The following CXCL1 variants were observed in gnomAD, a reference collection of about 807,000 sequenced individuals.
CXCL1 encodes C-X-C motif chemokine ligand 1.
CXCL1 carries 9 observed loss-of-function variants against 11.7 expected under a neutral mutation model. The observed-to-expected ratio is 0.77, with a 90% CI of 0.46 to 1.34. The LOEUF (loss-of-function observed/expected upper bound fraction) is 1.34. CXCL1 is among the 40% of genes most tolerant of loss of function. The pLI is 0.00. For synonymous variants in CXCL1, 78 were observed against 59.1 expected (o/e 1.32, Z -1.47); for missense variants, 146 against 138.1 (o/e 1.06, Z -0.29).
At chr4:73,869,623 C>G in intron 1 of CXCL1, 46 bp from the exon 2 acceptor site, 1 of 1,613,712 alleles carries the variant, frequency 6.2e-7, no homozygotes, top group Non-Finnish European at 8.5e-7. Context: ...GGGTAGGCAC[C>G]CAGCGCCGAC....
In CXCL1 at chr4:73,871,116, A is replaced by G. The variant is rs1731943639; in HGVS notation, c.*580A>G. On this transcript the variant is annotated 3_prime_UTR_variant, in exon 4 of 4. Transcript: ENST00000395761. ...GTTCTAAATATCCCTTGGACATTTT[A>G]TGTCTTTCTTGTAAGGCATACTGCC... The G allele has an allele frequency of 6.6e-6, 1 of 152,660 alleles. No homozygotes were observed. The highest frequency in any genetic ancestry group is 1.5e-5 in the Non-Finnish European group (1 of 68,338). The allele number at this position is 152,660 out of a possible 1,614,324, so 9.5% of individuals were successfully genotyped here. A position where few individuals can be genotyped will look rare whatever the true frequency, so the allele number is the denominator to read the frequency against.
At position 73,869,403 on chromosome 4, in the gene CXCL1, GGCC is replaced by G. The variant is rs1318883341; in HGVS notation, c.-65_-63del. 2 of 1,511,418 alleles carry G rather than the reference GGCC, an allele frequency of 1.3e-6. No individual in the cohort carries two copies. The highest frequency in any genetic ancestry group is 2.8e-5 in the African/African-American group (2 of 72,552). The allele number at this position is 1,511,418 out of a possible 1,614,324, so 93.6% of individuals were successfully genotyped here. Reference sequence around the variant, plus strand: ...GGATCTCGGAGAGCCACAGAGCCCGGGCCGCAGGCACCTCCTCGCCAGCTCTTC... The same window carrying G: ...GGATCTCGGAGAGCCACAGAGCCCGGGCAGGCACCTCCTCGCCAGCTCTTC... On this transcript the variant is annotated 5_prime_UTR_variant, in exon 1 of 4. Coordinates refer to ENST00000395761, the MANE Select transcript of CXCL1 (RefSeq NM_001511.4).
At chr4:73,870,349 T>C (rs1455125822) in intron 3 of CXCL1, among the ~76,000 whole-genome samples, 172 bp from the exon 4 acceptor site, 1 of 149,348 alleles carries the variant, frequency 6.7e-6, no homozygotes, top group Non-Finnish European at 1.5e-5. Flanking sequence ...CATCCCAAGC[T>C]TAGAGGTCCC....
At position 73,870,583 on chromosome 4, in the gene CXCL1, C is replaced by G; in HGVS notation, c.*47C>G. ...ACTGGTGGCTGTTCCTGAAGGAGGC[C>G]CTGCCCTTATAGGAACAGAAGAGGA... is the stretch of plus-strand genomic sequence containing the variant. On this transcript the variant is annotated 3_prime_UTR_variant, in exon 4 of 4. Coordinates refer to ENST00000395761, the MANE Select transcript of CXCL1 (RefSeq NM_001511.4). 1.9e-6 allele frequency: 3 copies of G among 1,611,950 alleles called. No homozygotes were observed. The South Asian group carries it at 3.3e-5, about 18-fold the overall frequency.
rs1323789841 is a variant in CXCL1 at position 73,869,480 on chromosome 4, G to A, written c.10G>A (p.Ala4Thr). The change falls in exon 1 of 4, where the codon GCT (alanine) becomes ACT (threonine). Residue 4 changes from alanine to threonine, a missense_variant. Physicochemically the swap from Ala to Thr is moderately conservative, Grantham distance 58. Coordinates refer to ENST00000395761, the MANE Select transcript of CXCL1 (RefSeq NM_001511.4). ...CCGCCTGCTGAGCCCCATGGCCCGC[G>A]CTGCTCTCTCCGCCGCCCCCAGCAA... MAR[A>T]ALSAAPSNPR... The A allele has an allele frequency of 2.6e-6, 4 of 1,566,980 alleles. No individual in the cohort carries two copies. The highest frequency in any genetic ancestry group is 2.4e-5 in the East Asian group (1 of 41,892).
chr4:73,869,621 A>G (rs766594484), intron 1 of CXCL1, 48 bp from the exon 2 acceptor site: 19 of 1,613,380 alleles, frequency 1.2e-5, no homozygotes, highest in East Asian at 6.7e-5. Flanking sequence ...TGGGGTAGGC[A>G]CCCAGCGCCG....
rs758430900 is a variant in CXCL1, at chr4:73,870,501, C to T, written c.309-20C>T. 1 of 1,613,816 alleles carries T rather than the reference C, an allele frequency of 6.2e-7. No homozygotes were observed. The highest frequency in any genetic ancestry group is 8.5e-7 in the Non-Finnish European group (1 of 1,179,808). Reference sequence around the variant, plus strand: ...AGCTTTCCCGAGCACCTACTCAGGGCACCCATTTTCTCATTGCAGTGACAA... The same window carrying T: ...AGCTTTCCCGAGCACCTACTCAGGGTACCCATTTTCTCATTGCAGTGACAA... On this transcript the variant is annotated intron_variant, in intron 3 of 3. Coordinates refer to ENST00000395761, the MANE Select transcript of CXCL1 (RefSeq NM_001511.4).
Position 73,869,676 on chromosome 4 carries a change from C to T in CXCL1, c.108C>T (p.Ser36=), listed in dbSNP as rs1282490203. Residue 36 remains serine, a synonymous_variant, in exon 2 of 4, where the codon TCC becomes TCT. Coordinates refer to ENST00000395761, the MANE Select transcript of CXCL1 (RefSeq NM_001511.4). ...VAAGRRAAGA[S]VATELRCQCL... is the part of the protein sequence containing the mutation. ...GAGTCTCTTCTTCCCTAGGAGCGTCCGTGGCCACTGAACTGCGCTGCCAGT... is the reference window on the plus strand; with the variant it reads ...GAGTCTCTTCTTCCCTAGGAGCGTCTGTGGCCACTGAACTGCGCTGCCAGT... 1.2e-5 allele frequency: 19 copies of T among 1,614,186 alleles called. No individual in the cohort carries two copies. Among genetic ancestry groups the T allele is most frequent in the Non-Finnish European group, 1.6e-5 (19 of 1,180,026 alleles).
Position 73,871,171 on chromosome 4 carries a change from G to A in CXCL1, c.*635G>A, listed in dbSNP as rs542911276. The A allele has an allele frequency of 6.6e-6, 1 of 152,226 alleles. No individual in the cohort carries two copies. Among genetic ancestry groups the A allele is most frequent in the Admixed American group, 6.5e-5 (1 of 15,302 alleles). 9.4% of individuals were successfully genotyped at this position (152,226 alleles called of 1,614,324 possible). On this transcript the variant is annotated 3_prime_UTR_variant, in exon 4 of 4. Transcript: ENST00000395761. The stretch of plus-strand genomic sequence containing the variant: ...TTAATGGTAGTTTTACAGTGTTTCT[G>A]GCTTAGAACAAAGGGGCTTAATTAT...
chr4:73,870,690 AT>A lies in CXCL1; in HGVS notation c.*157del. The A allele has an allele frequency of 1.3e-6, 1 of 782,262 alleles. No homozygotes were observed. The allele number at this position is 782,262 out of a possible 1,614,324, so 48.5% of individuals were successfully genotyped here. A position where few individuals can be genotyped will look rare whatever the true frequency, so the allele number is the denominator to read the frequency against. ...CTTAGGAGAAGTCTTCTATTTATTT[AT>A]TTATTCATTAGTTTTGAAGATTCTA... On this transcript the variant is annotated 3_prime_UTR_variant, in exon 4 of 4. Transcript: ENST00000395761.
At chr4:73,869,849 C>T (rs375620205) in intron 2 of CXCL1, 57 bp downstream of exon 2, 408 of 1,613,682 alleles carry the variant, frequency 2.5e-4, no homozygotes, top group African/African-American at 1.5e-3. Flanking sequence ...CCTCCTGCTG[C>T]CCCAACCCTG....
Position 73,869,556 on chromosome 4 carries a change from GCCGGCGCGCAGCAGGTGGGTA to G in CXCL1, c.94_100+14del. The G allele has an allele frequency of 6.2e-7, 1 of 1,610,054 alleles. No individual in the cohort carries two copies. Among genetic ancestry groups the G allele is most frequent in the East Asian group, 2.2e-5 (1 of 44,768 alleles). ...CTGCTCCTGCTCCTGGTAGCCGCTG[GCCGGCGCGCAGCAGGTGGGTA>G]CCGGCGCCCTGGGGTCCCCGGGCCG... On this transcript the variant is annotated splice_donor_variant and splice_donor_5th_base_variant and coding_sequence_variant and intron_variant, in exon 1 of 4. Coordinates refer to ENST00000395761, the MANE Select transcript of CXCL1 (RefSeq NM_001511.4). LOFTEE classifies it high-confidence loss of function.
chr4:73,869,892 C>T lies in CXCL1; in HGVS notation c.225-14C>T. 2 of 1,614,142 alleles carry T rather than the reference C, an allele frequency of 1.2e-6. No individual in the cohort carries two copies. The highest frequency in any genetic ancestry group is 2.2e-5 in the East Asian group (1 of 44,880). On this transcript the variant is annotated splice_polypyrimidine_tract_variant and intron_variant, in intron 2 of 3. Coordinates refer to ENST00000395761, the MANE Select transcript of CXCL1 (RefSeq NM_001511.4). The stretch of plus-strand genomic sequence containing the variant: ...CCCGACCTCCTGCCTCACGAGATTC[C>T]CTTCCCTCTGCAGAGCCACACTCAA...
Position 73,870,773 on chromosome 4 carries a change from G to C in CXCL1, c.*237G>C, listed in dbSNP as rs1731934124. On this transcript the variant is annotated 3_prime_UTR_variant, in exon 4 of 4. Transcript: ENST00000395761. Reference sequence around the variant, plus strand: ...GTATGATTAACTCTACCTGCACACTGTCCTATTATATTCATTCTTTTTGAA... The same window carrying C: ...GTATGATTAACTCTACCTGCACACTCTCCTATTATATTCATTCTTTTTGAA... 4.5e-6 allele frequency: 2 copies of C among 448,014 alleles called. No homozygotes were observed. Among genetic ancestry groups the C allele is most frequent in the East Asian group, 7.4e-5 (2 of 27,116 alleles). The allele number at this position is 448,014 out of a possible 1,614,324, so 27.8% of individuals were successfully genotyped here. A position where few individuals can be genotyped will look rare whatever the true frequency, so the allele number is the denominator to read the frequency against.
Position 73,871,239 on chromosome 4 carries a change from A to G in CXCL1, c.*703A>G, listed in dbSNP as rs1412585128. The G allele has an allele frequency of 6.6e-6, 1 of 152,244 alleles. No individual in the cohort carries two copies. Among genetic ancestry groups the G allele is most frequent in the Non-Finnish European group, 1.5e-5 (1 of 68,040 alleles). 9.4% of individuals were successfully genotyped at this position (152,244 alleles called of 1,614,324 possible). On this transcript the variant is annotated 3_prime_UTR_variant, in exon 4 of 4. Coordinates refer to ENST00000395761, the MANE Select transcript of CXCL1 (RefSeq NM_001511.4). ...ATATAAAAATAAAGCACTTATAGAA[A>G]AAACTCGTTTGATTTTTGGGGGGAA...
chr4:73,870,141 G>C (rs1235637980), intron 3 of CXCL1, 152 bp downstream of exon 3: 2 of 780,638 alleles, frequency 2.6e-6, no homozygotes, highest in Non-Finnish European at 4.1e-6. Context: ...TTTCCTTTAC[G>C]ATAATTACTG....
rs768482831 is a variant in CXCL1, at chr4:73,869,485, T to G, written c.15T>G (p.Ala5=). The change falls in exon 1 of 4, where the codon GCT becomes GCG. Residue 5 remains alanine, a synonymous_variant. Coordinates refer to ENST00000395761, the MANE Select transcript of CXCL1 (RefSeq NM_001511.4). MARA[A]LSAAPSNPRL... is the part of the protein sequence containing the mutation. ...TGCTGAGCCCCATGGCCCGCGCTGC[T>G]CTCTCCGCCGCCCCCAGCAATCCCC... is the stretch of plus-strand genomic sequence containing the variant. 4.0e-5 allele frequency: 63 copies of G among 1,571,020 alleles called. No individual in the cohort carries two copies. The highest frequency in any genetic ancestry group is 2.7e-4 in the South Asian group (24 of 87,316).
chr4:73,870,650 T>C lies in CXCL1; in HGVS notation c.*114T>C. 8.1e-7 allele frequency: 1 copy of C among 1,240,274 alleles called. No individual in the cohort carries two copies. Among genetic ancestry groups the C allele is most frequent in the South Asian group, 1.3e-5 (1 of 75,610 alleles). 76.8% of individuals were successfully genotyped at this position (1,240,274 alleles called of 1,614,324 possible). ...CAGAGGCCACCTGGATTGTGCCTAA[T>C]GTGTTTGAGCATCGCTTAGGAGAAG... On this transcript the variant is annotated 3_prime_UTR_variant, in exon 4 of 4. Transcript: ENST00000395761.
chr4:73,869,822 C>T lies in CXCL1; in HGVS notation c.224+30C>T, dbSNP rs377666285. 24 of 1,613,608 alleles carry T rather than the reference C, an allele frequency of 1.5e-5. No individual in the cohort carries two copies. The African/African-American group carries it at 2.7e-4, about 18-fold the overall frequency. On this transcript the variant is annotated intron_variant, in intron 2 of 3. Transcript: ENST00000395761. ...GTCCCGCCCCGCGCTGCCTCTGCCA[C>T]CGCCGGGGTCCCAGACCCTCCTGCT...
Sources: allele counts gnomAD v4.1 joint callset (sites outside exome capture counted in the v4.1 genomes callset), GRCh38; gene constraint gnomAD v4.1.1; transcripts MANE v1.5; gene names NCBI Gene and HGNC (gene_info 2026-07-23, HGNC 2026-07-21).